The following RGS6 variants were observed in gnomAD, a reference collection of about 807,000 sequenced individuals.
The protein encoded by RGS6 is regulator of G-protein signaling 6.
In RGS6, 30 loss-of-function variants were observed where a neutral mutation model predicts 78.5. The ratio of observed to expected loss-of-function variants is 0.38; its 90% CI spans 0.29 to 0.52. RGS6 has a LOEUF of 0.52. Among genes scored for constraint, RGS6 ranks in the 20% least tolerant of loss-of-function variants. The pLI is 0.85. For missense variants in RGS6, 495 were observed against 609.7 expected (o/e 0.81, Z 1.98); for synonymous variants, 206 against 206.0 (o/e 1.00, Z 0.00).
intron 2 of RGS6, among the ~76,000 whole-genome samples, chr14:72,301,840 T>G (rs1197608090): frequency 6.6e-6 from 1 of 152,106 alleles, no homozygotes; most frequent in African/African-American, 2.4e-5. Context: ...TCACACTGGA[T>G]TAGGGACCCA....
intron 4 of RGS6, among the ~76,000 whole-genome samples, chr14:72,456,988 G>T (rs1487194266): frequency 2.0e-5 from 3 of 151,170 alleles, no homozygotes; most frequent in Non-Finnish European, 2.9e-5. Flanking sequence ...GGAGGCTGGG[G>T]CAGAAGTATC....
At chr14:72,179,206 A>G (rs1412502799) in intron 2 of RGS6, among the ~76,000 whole-genome samples, 1 of 152,224 alleles carries the variant, frequency 6.6e-6, no homozygotes, top group African/African-American at 2.4e-5. Flanking sequence ...GTATTGTGCA[A>G]GTTAATCTCC....
At chr14:71,895,467 A>C in the RGS6 span, among the ~76,000 whole-genome samples, 1 of 152,162 alleles carries the variant, frequency 6.6e-6, no homozygotes, top group Non-Finnish European at 1.5e-5. Flanking sequence ...GATTACAGGC[A>C]TGAGCCACCA....
chr14:72,449,704 G>A (rs757322143), intron 3 of RGS6, among the ~76,000 whole-genome samples: 4 of 152,176 alleles, frequency 2.6e-5, no homozygotes, highest in Non-Finnish European at 5.9e-5. Context: ...CCCTTAGGCC[G>A]GACTCTGGGT....
At chr14:72,158,870 T>C (rs149679) in intron 2 of RGS6, among the ~76,000 whole-genome samples, 104,012 of 151,524 alleles carry the variant, frequency 0.69, 35,743 homozygotes, top group African/African-American at 0.74. Flanking sequence ...TAGAGCTTTC[T>C]GCCTGGGTTG....
Position 72,451,487 on chromosome 14 carries a change from G to GGGTTGGGGT in RGS6, c.185-3032_185-3024dup, listed in dbSNP as rs1357492205. Among the ~76,000 whole-genome samples the GGGTTGGGGT allele has an allele frequency of 3.8e-4, 58 of 152,160 alleles. 1 individual carries two copies. Among genetic ancestry groups the GGGTTGGGGT allele is most frequent in the Non-Finnish European group, 1.3e-4 (9 of 68,032 alleles). ...AACCCAGACAACGGTGCTGAGCCGGGGGTTGGGGTGGTTGGGGGGAGCGGA... is the reference window on the plus strand; with the variant it reads ...AACCCAGACAACGGTGCTGAGCCGGGGGTTGGGGTGGTTGGGGTGGTTGGGGGGAGCGGA... On this transcript the variant is annotated intron_variant, in intron 3 of 17. Transcript: ENST00000553525.
chr14:72,121,614 C>A (rs1402445408), intron 2 of RGS6, among the ~76,000 whole-genome samples: 1 of 152,168 alleles, frequency 6.6e-6, no homozygotes, highest in African/African-American at 2.4e-5. Flanking sequence ...TTGCTGCCTT[C>A]TTTCTCATGG....
intron 2 of RGS6, among the ~76,000 whole-genome samples, chr14:72,319,321 T>C (rs1026443848): frequency 2.0e-5 from 3 of 151,650 alleles, no homozygotes; most frequent in African/African-American, 7.3e-5. Context: ...CATACACTGA[T>C]GTAGCTCTCC....
intron 16 of RGS6, chr14:72,537,508 C>G (rs2097266173): frequency 5.7e-6 from 4 of 702,368 alleles, no homozygotes; most frequent in Non-Finnish European, 1.0e-5. Context: ...TCCTGCATCC[C>G]TCCCCACAGG....
intron 2 of RGS6, among the ~76,000 whole-genome samples, chr14:71,982,178 C>G (rs1329248230): frequency 6.6e-6 from 1 of 152,136 alleles, no homozygotes; most frequent in East Asian, 1.9e-4. Context: ...TGACCTGCGC[C>G]CAGTGTCTGG....
chr14:72,062,577 C>G (rs1283346698), intron 2 of RGS6, among the ~76,000 whole-genome samples: 1 of 152,176 alleles, frequency 6.6e-6, no homozygotes, highest in African/African-American at 2.4e-5. Context: ...TTCAAGATAT[C>G]TTTTGAAAAT....
chr14:72,408,984 G>A (rs2093176616), intron 3 of RGS6, among the ~76,000 whole-genome samples: 1 of 152,142 alleles, frequency 6.6e-6, no homozygotes, highest in African/African-American at 2.4e-5. Flanking sequence ...AATAGAAAAT[G>A]ACTCTTATTC....
At chr14:72,043,442 C>G (rs184970546) in intron 2 of RGS6, among the ~76,000 whole-genome samples, 1,967 of 151,958 alleles carry the variant, frequency 0.013, 22 homozygotes, top group Non-Finnish European at 0.017. Context: ...AATGAATTCC[C>G]TCAGTTTTTG....
chr14:72,147,902 C>T lies in RGS6; in HGVS notation c.84+183027C>T, dbSNP rs542881492. The stretch of plus-strand genomic sequence containing the variant: ...ATCCCAGCACTTTGGGAGGCCAAGG[C>T]GGGCAGATCACGAAGTCAGGAGATT... On this transcript the variant is annotated intron_variant, in intron 2 of 17. Coordinates refer to ENST00000553525, the MANE Select transcript of RGS6 (RefSeq NM_001204424.2). Among the ~76,000 whole-genome samples the T allele has an allele frequency of 5.9e-5, 9 of 152,132 alleles. No individual in the cohort carries two copies. In the South Asian group the frequency reaches 8.3e-4, roughly 14 times the overall value.
intron 2 of RGS6, among the ~76,000 whole-genome samples, chr14:72,345,364 A>T (rs1047795297): frequency 6.6e-6 from 1 of 152,210 alleles, no homozygotes; most frequent in Non-Finnish European, 1.5e-5. Flanking sequence ...GTTACTTTCC[A>T]TGAAAAGCAT....
At chr14:72,465,596 GGA>G (rs2095882357) in intron 6 of RGS6, among the ~76,000 whole-genome samples, 160 bp from the exon 7 acceptor site, 2 of 148,990 alleles carry the variant, frequency 1.3e-5, no homozygotes, top group South Asian at 2.2e-4. Flanking sequence ...ATGGATGGAT[GGA>G]TGGTTGGGTG....
intron 17 of RGS6, among the ~76,000 whole-genome samples, chr14:72,549,220 C>T (rs1262149295): frequency 6.6e-6 from 1 of 151,884 alleles, no homozygotes; most frequent in African/African-American, 2.4e-5. Context: ...CTTCACATGT[C>T]ATCCTTGCCT....
At chr14:72,086,827 G>T (rs985568494) in intron 2 of RGS6, among the ~76,000 whole-genome samples, 1 of 152,122 alleles carries the variant, frequency 6.6e-6, no homozygotes, top group Non-Finnish European at 1.5e-5. Flanking sequence ...TAGAAGCATG[G>T]GATAACAAAT....
At position 72,518,465 on chromosome 14, in the gene RGS6, G is replaced by A; in HGVS notation, c.1206G>A (p.Leu402=). ...CAGGGGCTCCAAGTGCAATCAACCTGGATTCTCACAGCTATGAGATAACCA... is the reference window on the plus strand; with the variant it reads ...CAGGGGCTCCAAGTGCAATCAACCTAGATTCTCACAGCTATGAGATAACCA... The part of the protein sequence containing the change: ...LAPGAPSAIN[L]DSHSYEITSQ... Residue 402 remains leucine (L), a synonymous_variant, in exon 15 of 18, where the codon CTG becomes CTA. Transcript: ENST00000553525. 6.2e-7 allele frequency: 1 copy of A among 1,614,130 alleles called. No individual in the cohort carries two copies. Among genetic ancestry groups the A allele is most frequent in the Non-Finnish European group, 8.5e-7 (1 of 1,180,012 alleles).
Sources: gnomAD v4.1 joint callset for allele counts (sites outside exome capture counted in the v4.1 genomes callset) on GRCh38, gnomAD v4.1.1 for gene constraint, MANE v1.5 for transcripts, NCBI Gene and HGNC (gene_info 2026-07-23, HGNC 2026-07-21) for gene names.